Variants in AGBL4 observed in about 807,000 individuals in gnomAD.
The protein encoded by AGBL4 is AGBL carboxypeptidase 4.
In AGBL4, 58 loss-of-function variants were observed where a neutral mutation model predicts 66.4. That is an observed-to-expected ratio of 0.87 (90% CI 0.71 to 1.09). The LOEUF (loss-of-function observed/expected upper bound fraction) is 1.09. AGBL4 is among the 50% of genes least tolerant of loss of function. The pLI is 0.00. For missense variants in AGBL4, 579 were observed against 631.0 expected, an observed-to-expected ratio of 0.92 and a Z score of 0.88; for synonymous variants, 234 against 222.9, an observed-to-expected ratio of 1.05 and a Z score of -0.44.
intron 6 of AGBL4, among the ~76,000 whole-genome samples, chr1:48,744,692 G>T (rs1650454366): frequency 6.6e-6 from 1 of 152,156 alleles, no homozygotes; most frequent in Non-Finnish European, 1.5e-5. Flanking sequence ...CCATCAAAGG[G>T]ATCTTCCACA....
In AGBL4 at chr1:49,917,065, A is replaced by T. The variant is rs564124289; in HGVS notation, c.35-65547T>A. Reference sequence around the variant, plus strand: ...GATTTTGTCACCACCAGGCCTGCCCAACAAGAGCTCCTGAAAGAAGCACTA... The same window carrying T: ...GATTTTGTCACCACCAGGCCTGCCCTACAAGAGCTCCTGAAAGAAGCACTA... On this transcript the variant is annotated intron_variant, in intron 1 of 13. Transcript: ENST00000371839. 3.3e-3 allele frequency among the ~76,000 whole-genome samples: 495 copies of T among 152,278 alleles called. 7 individuals are homozygous for T. The highest frequency in any genetic ancestry group is 0.011 in the African/African-American group (452 of 41,556).
chr1:49,398,332 TTTC>T (rs1557902906), intron 3 of AGBL4, among the ~76,000 whole-genome samples: 6 of 81,436 alleles, frequency 7.4e-5, no homozygotes, highest in Admixed American at 2.7e-4. Flanking sequence ...CCTCTCTCTC[TTTC>T]TCTCTCTCTC....
chr1:49,939,764 G>A (rs1195046238), intron 1 of AGBL4, among the ~76,000 whole-genome samples: 2 of 152,066 alleles, frequency 1.3e-5, no homozygotes, highest in African/African-American at 4.8e-5. Context: ...GAAAACCTAG[G>A]CATTACCATT....
chr1:49,496,488 G>T (rs1022384936), intron 3 of AGBL4, among the ~76,000 whole-genome samples: 1 of 151,624 alleles, frequency 6.6e-6, no homozygotes, highest in African/African-American at 2.4e-5. Context: ...CCTCCTAACC[G>T]AAATTTTGTA....
intron 1 of AGBL4, among the ~76,000 whole-genome samples, chr1:49,913,442 G>T (rs1253804150): frequency 6.6e-6 from 1 of 152,254 alleles, no homozygotes; most frequent in Admixed American, 6.5e-5. Flanking sequence ...AGGGCACACT[G>T]GTGTGGATAT....
intron 2 of AGBL4, among the ~76,000 whole-genome samples, chr1:49,771,277 GT>G (rs1644049464): frequency 6.6e-6 from 1 of 151,964 alleles, no homozygotes. Context: ...TTGGAGGCAC[GT>G]TGTTTAATTT....
At chr1:49,995,141 T>C (rs1438143514) in intron 1 of AGBL4, 1 of 456,162 alleles carries the variant, frequency 2.2e-6, no homozygotes, top group South Asian at 1.5e-5. Context: ...CTGGACAGAA[T>C]CTGGGAAAGG....
intron 3 of AGBL4, among the ~76,000 whole-genome samples, chr1:49,616,242 C>A (rs1645247700): frequency 6.6e-6 from 1 of 152,222 alleles, no homozygotes; most frequent in Middle Eastern, 3.4e-3. Context: ...GTGTCAAGAT[C>A]CCCAACATCC....
At chr1:48,591,066 CA>C in intron 9 of AGBL4, 81 bp from the exon 10 acceptor site, 1 of 1,146,092 alleles carries the variant, frequency 8.7e-7, no homozygotes, top group Non-Finnish European at 1.2e-6. Flanking sequence ...ACTACACACA[CA>C]CACCCCCCAC....
chr1:49,101,456 G>A (rs1454446048), intron 4 of AGBL4, among the ~76,000 whole-genome samples: 2 of 152,100 alleles, frequency 1.3e-5, no homozygotes, highest in African/African-American at 2.4e-5. Context: ...CAAAGTGCTG[G>A]GATTACAGGC....
chr1:49,069,371 C>T (rs1557613756), intron 4 of AGBL4, among the ~76,000 whole-genome samples: 1 of 152,168 alleles, frequency 6.6e-6, no homozygotes, highest in Non-Finnish European at 1.5e-5. Context: ...TTAGGTCTTA[C>T]ATTTAAGTCT....
At chr1:48,770,712 CA>C (rs1644776003) in intron 6 of AGBL4, among the ~76,000 whole-genome samples, 1 of 152,202 alleles carries the variant, frequency 6.6e-6, no homozygotes, top group South Asian at 2.1e-4. Flanking sequence ...TTTTCCCTTT[CA>C]ACCAGCTACA....
intron 8 of AGBL4, among the ~76,000 whole-genome samples, chr1:48,648,780 C>A (rs1645879606): frequency 6.6e-6 from 1 of 152,192 alleles, no homozygotes; most frequent in African/African-American, 2.4e-5. Context: ...CGTGCAATAA[C>A]TAAGTATGGC....
intron 6 of AGBL4, among the ~76,000 whole-genome samples, chr1:48,751,011 C>A (rs1651648994): frequency 6.6e-6 from 1 of 152,176 alleles, no homozygotes; most frequent in South Asian, 2.1e-4. Context: ...GAACACAAAC[C>A]TTCCACTGCT....
At chr1:48,646,081 G>C (rs571247770) in intron 8 of AGBL4, among the ~76,000 whole-genome samples, 4 of 152,156 alleles carry the variant, frequency 2.6e-5, no homozygotes, top group Non-Finnish European at 5.9e-5. Flanking sequence ...GCTTCAGCCT[G>C]AAAACAAAGT....
intron 4 of AGBL4, among the ~76,000 whole-genome samples, chr1:49,201,675 G>T (rs1443771337): frequency 2.0e-5 from 3 of 152,110 alleles, no homozygotes; most frequent in African/African-American, 7.2e-5. Flanking sequence ...TGTCATTCAA[G>T]AAGTCATTAC....
At chr1:49,826,242 A>G (rs1645507604) in intron 2 of AGBL4, among the ~76,000 whole-genome samples, 1 of 152,214 alleles carries the variant, frequency 6.6e-6, no homozygotes, top group Admixed American at 6.5e-5. Context: ...AAAAACAAGC[A>G]AAACATATTG....
At chr1:49,137,821 C>T (rs1646041954) in intron 4 of AGBL4, among the ~76,000 whole-genome samples, 1 of 151,984 alleles carries the variant, frequency 6.6e-6, no homozygotes, top group South Asian at 2.1e-4. Flanking sequence ...TAAATCAAGA[C>T]CTACAAAACC....
At chr1:49,158,915 G>C (rs1352428438) in intron 4 of AGBL4, among the ~76,000 whole-genome samples, 1 of 148,704 alleles carries the variant, frequency 6.7e-6, no homozygotes, top group Non-Finnish European at 1.5e-5. Context: ...CCACTTGCTT[G>C]GTAAATCTTC....
Sources: allele counts gnomAD v4.1 joint callset (sites outside exome capture counted in the v4.1 genomes callset), GRCh38; gene constraint gnomAD v4.1.1; transcripts MANE v1.5; gene names NCBI Gene and HGNC (gene_info 2026-07-23, HGNC 2026-07-21).